APELA: variants seen among roughly 807,000 people sequenced by gnomAD.
APELA encodes protein Elabela.
chr4:164,885,378 C>G (rs73000192), intron 2 of APELA, among the ~76,000 whole-genome samples: 95,928 of 151,764 alleles, frequency 0.63, 30,687 homozygotes, highest in African/African-American at 0.7. Context: ...TGATCTGCCC[C>G]CCTCGGCCTC....
intron 2 of APELA, among the ~76,000 whole-genome samples, chr4:164,886,848 T>C (rs888385828): frequency 1.3e-5 from 2 of 151,996 alleles, no homozygotes; most frequent in Non-Finnish European, 2.9e-5. Flanking sequence ...GGGACAGAGT[T>C]CCACTCTTGT....
chr4:164,886,026 C>T (rs1730764095), intron 2 of APELA, among the ~76,000 whole-genome samples: 1 of 152,168 alleles, frequency 6.6e-6, no homozygotes, highest in Admixed American at 6.5e-5. Context: ...AAACTTCATC[C>T]TCCTAACAAT....
chr4:164,895,484 A>C lies in APELA; in HGVS notation c.*70A>C, dbSNP rs1317730366. Reference sequence around the variant, plus strand: ...GAGTGAAGGAAAGACACCCAGCCACACAAAAGAACTTCATGATGCCAACAG... The same window carrying C: ...GAGTGAAGGAAAGACACCCAGCCACCCAAAAGAACTTCATGATGCCAACAG... On this transcript the variant is annotated 3_prime_UTR_variant, in exon 3 of 3. Transcript: ENST00000507152. 2 of 152,228 alleles carry C rather than the reference A, an allele frequency of 1.3e-5. No homozygotes were observed. The highest frequency in any genetic ancestry group is 1.5e-5 in the Non-Finnish European group (1 of 68,040). 9.4% of individuals were successfully genotyped at this position (152,228 alleles called of 1,614,324 possible).
intron 2 of APELA, among the ~76,000 whole-genome samples, chr4:164,888,480 G>A (rs550803954): frequency 6.6e-6 from 1 of 152,190 alleles, no homozygotes; most frequent in Non-Finnish European, 1.5e-5. Context: ...CAGGGGAGGA[G>A]GGATAAAAAG....
intron 1 of APELA, among the ~76,000 whole-genome samples, chr4:164,878,518 G>A (rs748353567): frequency 1.3e-5 from 2 of 152,212 alleles, no homozygotes; most frequent in Non-Finnish European, 2.9e-5. Context: ...GTTTACAGCA[G>A]TCACTATTCA....
rs532857411 is a variant in APELA, at chr4:164,877,192, C to T, written c.-140C>T. 1.3e-5 allele frequency: 5 copies of T among 394,098 alleles called. No individual in the cohort carries two copies. Among genetic ancestry groups the T allele is most frequent in the South Asian group, 2.9e-4 (2 of 7,014 alleles). 24.4% of individuals were successfully genotyped at this position (394,098 alleles called of 1,614,324 possible). On this transcript the variant is annotated 5_prime_UTR_variant, in exon 1 of 3. Coordinates refer to ENST00000507152, the MANE Select transcript of APELA (RefSeq NM_001297550.2). Reference sequence around the variant, plus strand: ...CAACTTTGTCTAATGTGATCATTAACCTTCCTGCAAAACACAGCTGGCAGT... The same window carrying T: ...CAACTTTGTCTAATGTGATCATTAATCTTCCTGCAAAACACAGCTGGCAGT...
At chr4:164,895,028 C>G (rs929752045) in intron 2 of APELA, among the ~76,000 whole-genome samples, 1 of 152,014 alleles carries the variant, frequency 6.6e-6, no homozygotes, top group Non-Finnish European at 1.5e-5. Context: ...CAGGAGGGGT[C>G]CCAAAAGAAA....
downstream of APELA, among the ~76,000 whole-genome samples, chr4:164,897,745 C>T (rs996341235): frequency 1.3e-5 from 2 of 152,310 alleles, no homozygotes; most frequent in East Asian, 1.9e-4. Context: ...TACCAAAACA[C>T]AATAACCAGT....
Position 164,895,191 on chromosome 4 carries a change from G to A in APELA, c.*2-225G>A, listed in dbSNP as rs563218985. 1.9e-4 allele frequency among the ~76,000 whole-genome samples: 29 copies of A among 152,258 alleles called. No homozygotes were observed. The Middle Eastern group carries it at 0.01, about 54-fold the overall frequency. On this transcript the variant is annotated intron_variant, in intron 2 of 2. Coordinates refer to ENST00000507152, the MANE Select transcript of APELA (RefSeq NM_001297550.2). Reference sequence around the variant, plus strand: ...CCAGCCTGGGCAACAGAGTGAGACTGTCTCAAAAAGTAAATAAAATAAAAG... The same window carrying A: ...CCAGCCTGGGCAACAGAGTGAGACTATCTCAAAAAGTAAATAAAATAAAAG...
chr4:164,881,994 T>C (rs1730662060), intron 2 of APELA, among the ~76,000 whole-genome samples: 1 of 152,108 alleles, frequency 6.6e-6, no homozygotes, highest in African/African-American at 2.4e-5. Flanking sequence ...CAGTGAGCTA[T>C]GATTATGCAC....
chr4:164,897,690 A>G (rs577132942), downstream of APELA, among the ~76,000 whole-genome samples: 1 of 152,182 alleles, frequency 6.6e-6, no homozygotes, highest in Non-Finnish European at 1.5e-5. Context: ...GATCTTTTAC[A>G]TAATTCATGA....
At chr4:164,888,512 T>C (rs1288943312) in intron 2 of APELA, among the ~76,000 whole-genome samples, 1 of 152,170 alleles carries the variant, frequency 6.6e-6, no homozygotes, top group Non-Finnish European at 1.5e-5. Context: ...TTCTTAACCA[T>C]CTGGGACCAG....
chr4:164,890,481 T>C (rs1289590569), intron 2 of APELA, among the ~76,000 whole-genome samples: 1 of 152,218 alleles, frequency 6.6e-6, no homozygotes, highest in Non-Finnish European at 1.5e-5. Flanking sequence ...AGATATTCCA[T>C]ATAAATGAAT....
At chr4:164,898,474 CCTGGGCAACAAGAGCAAAACT>C (rs1731017455), downstream of APELA, among the ~76,000 whole-genome samples, 1 of 149,428 alleles carries the variant, frequency 6.7e-6, no homozygotes, top group Non-Finnish European at 1.5e-5. Flanking sequence ...TGCACTCCAG[CCTGGGCAACAAGAGCAAAACT>C]CTGCCTCAAA....
chr4:164,882,861 C>G (rs186723090), intron 2 of APELA, among the ~76,000 whole-genome samples: 1 of 151,820 alleles, frequency 6.6e-6, no homozygotes, highest in African/African-American at 2.4e-5. Flanking sequence ...TTTGCCCTTG[C>G]GATAGTTTGC....
intron 2 of APELA, among the ~76,000 whole-genome samples, chr4:164,887,649 T>C (rs752030816): frequency 1.3e-4 from 20 of 152,072 alleles, no homozygotes; most frequent in Non-Finnish European, 2.2e-4. Flanking sequence ...TTCTCTCTTG[T>C]CACCCAGGCT....
chr4:164,886,044 C>T (rs1175570731), intron 2 of APELA, among the ~76,000 whole-genome samples: 1 of 152,154 alleles, frequency 6.6e-6, no homozygotes, highest in Non-Finnish European at 1.5e-5. Context: ...AATCACAGCA[C>T]TTTTAGTAGT....
At chr4:164,884,059 G>A (rs780858869) in intron 2 of APELA, among the ~76,000 whole-genome samples, 31 of 136,816 alleles carry the variant, frequency 2.3e-4, no homozygotes, top group Non-Finnish European at 4.5e-4. Context: ...GAAAGAAACA[G>A]GGAAAGAAGG....
At chr4:164,878,141 AAAAAGAAAG>A (rs1247181552) in intron 1 of APELA, among the ~76,000 whole-genome samples, 4 of 151,540 alleles carry the variant, frequency 2.6e-5, no homozygotes, top group African/African-American at 9.7e-5. Flanking sequence ...GTTTGAAAAA[AAAAAGAAAG>A]AAAAGAGAGA....
Sources: gnomAD v4.1 joint callset for allele counts (sites outside exome capture counted in the v4.1 genomes callset) on GRCh38, gnomAD v4.1.1 for gene constraint, MANE v1.5 for transcripts, NCBI Gene and HGNC (gene_info 2026-07-23, HGNC 2026-07-21) for gene names.